PTPRN2: variants seen among roughly 807,000 people sequenced by gnomAD.
PTPRN2 encodes the protein receptor-type tyrosine-protein phosphatase N2.
A neutral mutation model predicts 118.8 loss-of-function variants in PTPRN2; 74 were observed. That is an observed-to-expected ratio of 0.62 (90% CI 0.52 to 0.76). The LOEUF is 0.76. Among genes scored for constraint, PTPRN2 ranks in the 30% least tolerant of loss-of-function variants. The pLI is 0.00. For synonymous variants in PTPRN2, 641 were observed against 608.0 expected (o/e 1.05, Z -0.80); for missense variants, 1,481 against 1,394.4 (o/e 1.06, Z -0.99).
chr7:158,316,794 G>A (rs759514804), intron 3 of PTPRN2, 25 bp downstream of exon 3: 41 of 1,559,984 alleles, frequency 2.6e-5, no homozygotes, highest in East Asian at 2.0e-4. Flanking sequence ...GGCAGCCGCC[G>A]AGCCTCGGCC....
chr7:157,811,332 TTATA>T (rs71189737), intron 12 of PTPRN2, among the ~76,000 whole-genome samples: 5,120 of 131,114 alleles, frequency 0.039, 294 homozygotes, highest in African/African-American at 0.12. Context: ...ATCTACTCTA[TTATA>T]TATATATATA....
At position 158,139,563 on chromosome 7, in the gene PTPRN2, T is replaced by C. The variant is rs146935242; in HGVS notation, c.911-1048A>G. On this transcript the variant is annotated intron_variant, in intron 6 of 22. Transcript: ENST00000389418. ...AGTCTCTCAAATCTGGGAAGGATTG[T>C]CACTCAGGGACTCAAGACAGTCACT... Among the ~76,000 whole-genome samples, 168 of 152,066 alleles carry C rather than the reference T, an allele frequency of 1.1e-3. 3 individuals carry two copies. In the East Asian group the frequency reaches 0.027, roughly 24 times the overall value.
At chr7:158,243,614 T>C (rs1437429458) in intron 3 of PTPRN2, among the ~76,000 whole-genome samples, 1 of 152,158 alleles carries the variant, frequency 6.6e-6, no homozygotes, top group Non-Finnish European at 1.5e-5. Flanking sequence ...CAAAGGTTGA[T>C]TTGGAAGAAG....
chr7:157,961,394 A>G (rs997305606), intron 11 of PTPRN2, among the ~76,000 whole-genome samples: 1 of 152,068 alleles, frequency 6.6e-6, no homozygotes, highest in African/African-American at 2.4e-5. Flanking sequence ...TTAGCTGGGC[A>G]TGGTGGTACA....
At chr7:157,575,153 G>A (rs1481687257) in intron 19 of PTPRN2, among the ~76,000 whole-genome samples, 2 of 152,172 alleles carry the variant, frequency 1.3e-5, no homozygotes. Flanking sequence ...GCATATACGT[G>A]CAAACACACT....
intron 19 of PTPRN2, chr7:157,574,513 TGAGAGAGA>T (rs60406378): frequency 2.4e-3 from 673 of 283,504 alleles, no homozygotes; most frequent in Non-Finnish European, 3.3e-3. Flanking sequence ...AGAGTAATAA[TGAGAGAGA>T]GAGAGAGAGA....
At position 158,565,835 on chromosome 7, in the gene PTPRN2, CA is replaced by C. The variant is rs1185258093; in HGVS notation, c.112+21722del. ...ATCTGCCTATTGTCTCTGCCAGATG[CA>C]GGATATTCTGATGAGGAAACCGAGG... On this transcript the variant is annotated intron_variant, in intron 1 of 22. Coordinates refer to ENST00000389418, the MANE Select transcript of PTPRN2 (RefSeq NM_002847.5). This position sits in a 1 kb window ranked among gnomAD's most constrained non-coding sequence, Gnocchi z 4.6. Among the ~76,000 whole-genome samples the C allele has an allele frequency of 4.6e-5, 7 of 152,186 alleles. No homozygotes were observed. The highest frequency in any genetic ancestry group is 1.0e-4 in the Non-Finnish European group (7 of 68,042).
intron 2 of PTPRN2, among the ~76,000 whole-genome samples, chr7:158,330,314 C>A (rs796168608): frequency 6.2e-5 from 2 of 32,378 alleles, no homozygotes; most frequent in Non-Finnish European, 1.4e-4. Context: ...GAGCTGACAC[C>A]CGCAGACGTC....
At position 157,764,112 on chromosome 7, in the gene PTPRN2, AGGAATCGTAACTG is replaced by A. The variant is rs767702144; in HGVS notation, c.1789-81188_1789-81176del. On this transcript the variant is annotated intron_variant, in intron 12 of 22. Transcript: ENST00000389418. The surrounding 1 kb of genome is among the most constrained non-coding windows in gnomAD (Gnocchi z 4.5). ...CAAAAACGTGCTGGCGAGAATGCTG[AGGAATCGTAACTG>A]GCACACTCTGCAGGGAGGAATATAG... Among the ~76,000 whole-genome samples, 11 of 152,198 alleles carry A rather than the reference AGGAATCGTAACTG, an allele frequency of 7.2e-5. No individual in the cohort carries two copies. The highest frequency in any genetic ancestry group is 1.5e-4 in the Non-Finnish European group (10 of 68,032).
intron 17 of PTPRN2, among the ~76,000 whole-genome samples, chr7:157,584,751 C>A (rs1288320050): frequency 6.6e-6 from 1 of 152,234 alleles, no homozygotes; most frequent in East Asian, 1.9e-4. Flanking sequence ...TCGTATTTCA[C>A]TCCTTAGGAG....
chr7:158,451,773 G>T (rs577686862), intron 2 of PTPRN2, among the ~76,000 whole-genome samples: 1 of 152,168 alleles, frequency 6.6e-6, no homozygotes, highest in Admixed American at 6.5e-5. Flanking sequence ...CAGGAGTCAG[G>T]CTGGTGAGTT....
chr7:157,545,840 G>A (rs563988142), intron 22 of PTPRN2, among the ~76,000 whole-genome samples: 1 of 152,278 alleles, frequency 6.6e-6, no homozygotes, highest in South Asian at 2.1e-4. Context: ...TCCAAACCAG[G>A]CGACGTGACT....
Position 157,540,532 on chromosome 7 carries a change from C to T in PTPRN2, c.*182G>A. On this transcript the variant is annotated 3_prime_UTR_variant, in exon 23 of 23. Transcript: ENST00000389418. ...CGTAACTGGATTTTTCCACAAATCTCTCTTTATTATTGTTTGATTAAACAA... is the reference window on the plus strand; with the variant it reads ...CGTAACTGGATTTTTCCACAAATCTTTCTTTATTATTGTTTGATTAAACAA... 2.2e-6 allele frequency: 1 copy of T among 451,400 alleles called. No individual in the cohort carries two copies. The highest frequency in any genetic ancestry group is 3.9e-6 in the Non-Finnish European group (1 of 254,610). 28.0% of individuals were successfully genotyped at this position (451,400 alleles called of 1,614,324 possible).
chr7:158,062,065 G>C (rs932920877), intron 11 of PTPRN2, among the ~76,000 whole-genome samples: 1 of 152,260 alleles, frequency 6.6e-6, no homozygotes, highest in African/African-American at 2.4e-5. Flanking sequence ...CCTTGGTGCG[G>C]AAGCCCAGAG....
At chr7:158,150,376 C>T (rs1466379881) in intron 6 of PTPRN2, among the ~76,000 whole-genome samples, 1 of 152,218 alleles carries the variant, frequency 6.6e-6, no homozygotes, top group Admixed American at 6.5e-5. Flanking sequence ...ACCCCAGTCT[C>T]CGCCCTCCAC....
At chr7:158,316,593 C>T (rs1385325921) in intron 3 of PTPRN2, among the ~76,000 whole-genome samples, 1 of 152,276 alleles carries the variant, frequency 6.6e-6, no homozygotes, top group African/African-American at 2.4e-5. Flanking sequence ...CTGGCATCTC[C>T]TCCCTCAGAC....
intron 2 of PTPRN2, among the ~76,000 whole-genome samples, chr7:158,366,729 C>T (rs147981266): frequency 6.6e-6 from 1 of 152,194 alleles, no homozygotes; most frequent in Non-Finnish European, 1.5e-5. Flanking sequence ...TGAAATCAGT[C>T]GCCATTGACG....
Position 158,061,399 on chromosome 7 carries a change from G to C in PTPRN2, c.1723+19899C>G, listed in dbSNP as rs117779046. Among the ~76,000 whole-genome samples the C allele has an allele frequency of 3.7e-3, 564 of 152,324 alleles. 20 individuals carry two copies. The South Asian group carries it at 0.076, about 20-fold the overall frequency. On this transcript the variant is annotated intron_variant, in intron 11 of 22. Coordinates refer to ENST00000389418, the MANE Select transcript of PTPRN2 (RefSeq NM_002847.5). ...CCTGCTCCAGACACCTGTTCCGAGG[G>C]AATCTCTCCCATCCACCTGCCGCTG... is the stretch of plus-strand genomic sequence containing the variant.
chr7:157,600,648 A>AT (rs1336208720), intron 16 of PTPRN2, among the ~76,000 whole-genome samples: 1 of 152,218 alleles, frequency 6.6e-6, no homozygotes, highest in Non-Finnish European at 1.5e-5. Context: ...AACTCAAGTG[A>AT]TTCGCCTGCC....
Sources: gnomAD v4.1 joint callset for allele counts (sites outside exome capture counted in the v4.1 genomes callset) on GRCh38, gnomAD v4.1.1 for gene constraint, Gnocchi (gnomAD v3.1) non-coding constraint, MANE v1.5 for transcripts, NCBI Gene and HGNC (gene_info 2026-07-23, HGNC 2026-07-21) for gene names.